The following BCKDHB variants were observed in gnomAD, a reference collection of about 807,000 sequenced individuals.
BCKDHB encodes the protein branched chain keto acid dehydrogenase E1 subunit beta, also known as 2-oxoisovalerate dehydrogenase subunit beta, mitochondrial.
In BCKDHB, 41 loss-of-function variants were observed where a neutral mutation model predicts 48.5. The ratio of observed to expected loss-of-function variants is 0.85; its 90% CI spans 0.66 to 1.10. BCKDHB has a LOEUF of 1.10. Ranked by LOEUF, BCKDHB falls within the 50% of genes least tolerant of loss-of-function variation. The pLI, the probability that BCKDHB is intolerant of heterozygous loss-of-function variation, is 0.00. For missense variants in BCKDHB, 496 were observed against 494.2 expected (o/e 1.00, Z -0.03); for synonymous variants, 201 against 174.8 (o/e 1.15, Z -1.18).
Position 80,192,656 on chromosome 6 carries a change from G to A in BCKDHB, c.743-8278G>A, listed in dbSNP as rs148517800. ...ATGTGGCCAAATTTTAATGTGTTGTGTGTTAAATATACTGATGCATATTAT... is the reference window on the plus strand; with the variant it reads ...ATGTGGCCAAATTTTAATGTGTTGTATGTTAAATATACTGATGCATATTAT... On this transcript the variant is annotated intron_variant, in intron 6 of 9. Transcript: ENST00000320393. 1.7e-4 allele frequency among the ~76,000 whole-genome samples: 26 copies of A among 152,182 alleles called. No homozygotes were observed. In the East Asian group the frequency reaches 4.6e-3, roughly 27 times the overall value.
intron 8 of BCKDHB, among the ~76,000 whole-genome samples, chr6:80,214,962 T>C (rs1775101762): frequency 6.6e-6 from 1 of 152,178 alleles, no homozygotes; most frequent in Admixed American, 6.5e-5. Flanking sequence ...CATGTTGTGT[T>C]TAATTGTTGA....
intron 8 of BCKDHB, among the ~76,000 whole-genome samples, chr6:80,266,940 G>A (rs1034479084): frequency 2.0e-5 from 3 of 151,888 alleles, no homozygotes; most frequent in African/African-American, 7.3e-5. Flanking sequence ...TGAATTCCAT[G>A]CTCTTGAATG....
chr6:80,107,518 T>TACATATATGCAC (rs1769166493), intron 1 of BCKDHB, among the ~76,000 whole-genome samples: 1 of 121,686 alleles, frequency 8.2e-6, no homozygotes, highest in Admixed American at 7.7e-5. Context: ...TGTGCGCATA[T>TACATATATGCAC]ATATATATAT....
chr6:80,173,051 C>T (rs1182025430), intron 6 of BCKDHB, among the ~76,000 whole-genome samples: 1 of 152,012 alleles, frequency 6.6e-6, no homozygotes, highest in African/African-American at 2.4e-5. Flanking sequence ...TATAGCCAAT[C>T]AGTAAAGAAA....
At chr6:80,356,014 C>T in the BCKDHB span, 1 of 152,188 alleles carries the variant, frequency 6.6e-6, no homozygotes, top group Admixed American at 6.5e-5. Context: ...ATCACAACAT[C>T]TCATCAATAT....
At chr6:80,155,670 A>G (rs1489310717) in intron 3 of BCKDHB, among the ~76,000 whole-genome samples, 2 of 152,030 alleles carry the variant, frequency 1.3e-5, no homozygotes, top group African/African-American at 4.8e-5. Flanking sequence ...TTTTGTTCTT[A>G]ATTTACTTAA....
the BCKDHB span, among the ~76,000 whole-genome samples, chr6:80,388,197 G>A: frequency 1.3e-5 from 2 of 152,204 alleles, no homozygotes; most frequent in African/African-American, 4.8e-5. Flanking sequence ...TCCAGAACTG[G>A]AGGAGGCTCT....
At chr6:80,197,952 A>ATCCG in intron 6 of BCKDHB, among the ~76,000 whole-genome samples, 1 of 150,764 alleles carries the variant, frequency 6.6e-6, no homozygotes, top group African/African-American at 2.5e-5. Context: ...CCATCCATCC[A>ATCCG]TCCATCCATC....
intron 8 of BCKDHB, among the ~76,000 whole-genome samples, chr6:80,266,739 G>A (rs992512655): frequency 8.5e-5 from 13 of 152,152 alleles, no homozygotes; most frequent in Admixed American, 4.6e-4. Context: ...TTCTCTTTCA[G>A]CATCCTAATA....
chr6:80,273,341 G>T (rs1777835767), intron 9 of BCKDHB, 120 bp downstream of exon 9: 2 of 839,320 alleles, frequency 2.4e-6, no homozygotes, highest in African/African-American at 3.4e-5. Context: ...TGTAGTGCAT[G>T]CTTTCATATA....
the BCKDHB span, among the ~76,000 whole-genome samples, chr6:80,394,469 TCTG>T: frequency 8.5e-5 from 13 of 152,258 alleles, no homozygotes; most frequent in South Asian, 2.7e-3. Flanking sequence ...CAAGTTTACT[TCTG>T]CTCCCTGTGC....
chr6:80,388,324 A>T, the BCKDHB span, among the ~76,000 whole-genome samples: 1 of 152,138 alleles, frequency 6.6e-6, no homozygotes, highest in Non-Finnish European at 1.5e-5. Context: ...GGCCTTTGGC[A>T]GGCCTCCATA....
intron 6 of BCKDHB, among the ~76,000 whole-genome samples, chr6:80,178,055 C>T (rs1773246878): frequency 1.3e-5 from 2 of 152,212 alleles, no homozygotes; most frequent in Admixed American, 1.3e-4. Context: ...CTGCCCTTAT[C>T]TTACCCAATG....
chr6:80,144,425 G>GA (rs1771371144), intron 3 of BCKDHB, among the ~76,000 whole-genome samples: 1 of 152,098 alleles, frequency 6.6e-6, no homozygotes, highest in Non-Finnish European at 1.5e-5. Context: ...ATGCATAACT[G>GA]TTTATATGAA....
chr6:80,131,301 A>G (rs73479926), intron 3 of BCKDHB, among the ~76,000 whole-genome samples: 1,760 of 152,300 alleles, frequency 0.012, 35 homozygotes, highest in African/African-American at 0.04. Flanking sequence ...AGGCTGCTAC[A>G]TGCACCCAGC....
chr6:80,124,693 T>G (rs1770246050), intron 1 of BCKDHB, among the ~76,000 whole-genome samples: 1 of 152,178 alleles, frequency 6.6e-6, no homozygotes, highest in Admixed American at 6.6e-5. Context: ...CTTATACATC[T>G]CCGTCAGAGC....
intron 6 of BCKDHB, among the ~76,000 whole-genome samples, chr6:80,178,832 G>A (rs1266298095): frequency 1.3e-5 from 2 of 152,110 alleles, no homozygotes; most frequent in Admixed American, 6.5e-5. Flanking sequence ...AATGAGCGAT[G>A]GATTTAAGTT....
intron 9 of BCKDHB, among the ~76,000 whole-genome samples, chr6:80,316,304 T>C (rs895187861): frequency 2.9e-4 from 44 of 152,254 alleles, no homozygotes; most frequent in Non-Finnish European, 4.4e-4. Context: ...ATAATGATTT[T>C]GTTTGCGTAT....
chr6:80,208,815 A>C (rs190153300), intron 8 of BCKDHB, among the ~76,000 whole-genome samples: 2 of 151,944 alleles, frequency 1.3e-5, no homozygotes, highest in East Asian at 3.9e-4. Context: ...CCCAGGCCTA[A>C]ATGGCTTTAT....
Sources: gnomAD v4.1 joint callset for allele counts (sites outside exome capture counted in the v4.1 genomes callset) on GRCh38, gnomAD v4.1.1 for gene constraint, MANE v1.5 for transcripts, NCBI Gene and HGNC (gene_info 2026-07-23, HGNC 2026-07-21) for gene names.